Variants in SLC16A7 observed in about 807,000 individuals in gnomAD.
The protein encoded by SLC16A7 is monocarboxylate transporter 2.
SLC16A7 carries 33 observed loss-of-function variants against 34.9 expected under a neutral mutation model. The observed-to-expected ratio is 0.94, with a 90% CI of 0.72 to 1.26. The LOEUF (loss-of-function observed/expected upper bound fraction) is 1.26, where lower values mean the gene tolerates loss of function less well. Ranked by LOEUF, SLC16A7 falls within the 50% of genes most tolerant of loss-of-function variation. The pLI, the probability that SLC16A7 is intolerant of heterozygous loss-of-function variation, is 0.00. For missense variants in SLC16A7, 573 were observed against 578.1 expected (o/e 0.99, Z 0.09); for synonymous variants, 201 against 206.6 (o/e 0.97, Z 0.23).
chr12:59,683,338 C>A (rs941711044), intron 2 of SLC16A7, among the ~76,000 whole-genome samples: 4 of 152,042 alleles, frequency 2.6e-5, no homozygotes, highest in Non-Finnish European at 4.4e-5. Context: ...AGTACTGTTG[C>A]GAGATTAATC....
intron 1 of SLC16A7, among the ~76,000 whole-genome samples, chr12:59,610,829 G>A (rs1171967644): frequency 1.3e-5 from 2 of 152,210 alleles, no homozygotes; most frequent in Non-Finnish European, 2.9e-5. Flanking sequence ...TAACTGTGAG[G>A]CAGTTGAGCT....
At chr12:59,754,433 C>G (rs1592648291) in intron 3 of SLC16A7, among the ~76,000 whole-genome samples, 1 of 152,072 alleles carries the variant, frequency 6.6e-6, no homozygotes, top group Admixed American at 6.6e-5. Context: ...ATATCACCAC[C>G]AATCCCACAG....
rs188849444 is a variant in SLC16A7, at chr12:59,747,071, A to C, written c.218-24148A>C. Among the ~76,000 whole-genome samples the C allele has an allele frequency of 1.3e-3, 204 of 152,294 alleles. 1 individual carries two copies. The highest frequency in any genetic ancestry group is 4.8e-3 in the African/African-American group (201 of 41,580). ...AGTCTCTAAATCCTGTGCTCAAGAG[A>C]TCCTCCTGCCTCAGACTCCCAAAGA... is the stretch of plus-strand genomic sequence containing the variant. On this transcript the variant is annotated intron_variant, in intron 3 of 5. Coordinates refer to ENST00000547379, the MANE Select transcript of SLC16A7 (RefSeq NM_001270623.2).
chr12:59,773,203 T>C (rs771238193), intron 4 of SLC16A7, among the ~76,000 whole-genome samples: 1 of 152,162 alleles, frequency 6.6e-6, no homozygotes, highest in Admixed American at 6.6e-5. Flanking sequence ...TCAGTTTTGT[T>C]ATTTATAAAT....
chr12:59,694,607 G>A (rs964670204), intron 2 of SLC16A7, among the ~76,000 whole-genome samples: 3 of 151,826 alleles, frequency 2.0e-5, no homozygotes, highest in Admixed American at 6.6e-5. Flanking sequence ...ATAATATGCT[G>A]TACAGTAGAT....
chr12:59,690,358 C>T (rs1871507107), intron 2 of SLC16A7, among the ~76,000 whole-genome samples: 1 of 151,928 alleles, frequency 6.6e-6, no homozygotes, highest in Admixed American at 6.6e-5. Context: ...TTTCTGAGTT[C>T]TTAGCTGTGA....
chr12:59,757,619 G>T (rs1009929313), intron 3 of SLC16A7, among the ~76,000 whole-genome samples: 1 of 151,990 alleles, frequency 6.6e-6, no homozygotes, highest in Non-Finnish European at 1.5e-5. Context: ...AGAAATTTCT[G>T]TGTATTTTCA....
intron 3 of SLC16A7, among the ~76,000 whole-genome samples, chr12:59,727,690 A>G (rs1565676691): frequency 6.6e-6 from 1 of 152,214 alleles, no homozygotes. Flanking sequence ...TAGCATTTGC[A>G]TATTGGGAAT....
At chr12:59,705,052 A>ATTTTCTTAATTC in intron 3 of SLC16A7, 34 bp downstream of exon 3, 1 of 1,409,910 alleles carries the variant, frequency 7.1e-7, no homozygotes, top group Non-Finnish European at 1.0e-6. Flanking sequence ...ATCCTGAATT[A>ATTTTCTTAATTC]AGAAAATAAT....
At chr12:59,651,902 G>A (rs769383709) in intron 1 of SLC16A7, among the ~76,000 whole-genome samples, 3 of 152,064 alleles carry the variant, frequency 2.0e-5, no homozygotes, top group African/African-American at 7.2e-5. Flanking sequence ...AGTTATTTTG[G>A]CTTTATTACT....
chr12:59,609,507 T>C (rs1879095317), intron 1 of SLC16A7, among the ~76,000 whole-genome samples: 1 of 135,088 alleles, frequency 7.4e-6, no homozygotes. Context: ...GAGATGTGGG[T>C]CGGGGGGCAT....
intron 3 of SLC16A7, among the ~76,000 whole-genome samples, chr12:59,770,453 CAGA>C (rs1882112338): frequency 6.6e-6 from 1 of 152,130 alleles, no homozygotes; most frequent in African/African-American, 2.4e-5. Flanking sequence ...AACGTGTCAA[CAGA>C]AGATTTTCCT....
chr12:59,640,468 G>A (rs1379676212), intron 1 of SLC16A7, among the ~76,000 whole-genome samples: 1 of 151,876 alleles, frequency 6.6e-6, no homozygotes, highest in Non-Finnish European at 1.5e-5. Context: ...ACTTTTCCAA[G>A]CATTAGGATT....
At chr12:59,744,345 A>G (rs1878657722) in intron 3 of SLC16A7, among the ~76,000 whole-genome samples, 1 of 152,134 alleles carries the variant, frequency 6.6e-6, no homozygotes, top group Non-Finnish European at 1.5e-5. Flanking sequence ...GTTGGACGTC[A>G]GAGAGAAGCA....
chr12:59,760,706 A>G (rs893482400), intron 3 of SLC16A7, among the ~76,000 whole-genome samples: 5 of 152,096 alleles, frequency 3.3e-5, no homozygotes, highest in Admixed American at 6.6e-5. Context: ...GCGTGAATAC[A>G]CAGGGCAAAG....
intron 2 of SLC16A7, among the ~76,000 whole-genome samples, chr12:59,694,273 T>TTCTTAAGGCTTAA (rs1872013935): frequency 6.6e-6 from 1 of 151,972 alleles, no homozygotes; most frequent in South Asian, 2.1e-4. Flanking sequence ...GCCTTCTCAC[T>TTCTTAAGGCTTAA]GGCTTAAGGA....
Position 59,758,359 on chromosome 12 carries a change from C to G in SLC16A7, c.218-12860C>G, listed in dbSNP as rs529577859. On this transcript the variant is annotated intron_variant, in intron 3 of 5. Transcript: ENST00000547379. Reference sequence around the variant, plus strand: ...TATTTTCCAGCAGATACTGTATTTTCTCATATGCTACTTCCTCTACAAAGG... The same window carrying G: ...TATTTTCCAGCAGATACTGTATTTTGTCATATGCTACTTCCTCTACAAAGG... Among the ~76,000 whole-genome samples the G allele has an allele frequency of 2.8e-4, 43 of 152,024 alleles. 5 individuals are homozygous for G. The highest frequency in any genetic ancestry group is 9.9e-4 in the African/African-American group (41 of 41,522).
At chr12:59,688,605 G>T (rs1026925588) in intron 2 of SLC16A7, among the ~76,000 whole-genome samples, 5 of 151,954 alleles carry the variant, frequency 3.3e-5, no homozygotes, top group Non-Finnish European at 5.9e-5. Flanking sequence ...ATATGCAATT[G>T]GTAATCAGCA....
At chr12:59,657,767 A>G (rs1868610971) in intron 2 of SLC16A7, among the ~76,000 whole-genome samples, 1 of 151,960 alleles carries the variant, frequency 6.6e-6, no homozygotes, top group Non-Finnish European at 1.5e-5. Flanking sequence ...CAATAAACAA[A>G]TGATGTCTGT....
Sources: gnomAD v4.1 joint callset for allele counts (sites outside exome capture counted in the v4.1 genomes callset) on GRCh38, gnomAD v4.1.1 for gene constraint, MANE v1.5 for transcripts, NCBI Gene and HGNC (gene_info 2026-07-23, HGNC 2026-07-21) for gene names.